Variants in SPON1 observed in about 807,000 individuals in gnomAD.
The protein encoded by SPON1 is spondin 1.
Under a neutral mutation model 111.7 loss-of-function variants are expected in SPON1, and 52 were observed. The observed-to-expected ratio is 0.47, with a 90% CI of 0.37 to 0.59. The LOEUF (loss-of-function observed/expected upper bound fraction) is 0.59. Among genes scored for constraint, SPON1 ranks in the 20% least tolerant of loss-of-function variants. The pLI, the probability that SPON1 is intolerant of heterozygous loss-of-function variation, is 0.00. For synonymous variants in SPON1, 410 were observed against 395.8 expected (o/e 1.04, Z -0.43); for missense variants, 957 against 1,068.5 (o/e 0.90, Z 1.46).
chr11:14,004,362 G>A (rs180822881), intron 2 of SPON1, among the ~76,000 whole-genome samples: 10 of 152,268 alleles, frequency 6.6e-5, no homozygotes, highest in Non-Finnish European at 8.8e-5. Flanking sequence ...CCCAGAAGTC[G>A]GATTGCTGTA....
intron 7 of SPON1, among the ~76,000 whole-genome samples, chr11:14,250,364 C>A (rs2133921951): frequency 7.0e-6 from 1 of 143,872 alleles, no homozygotes; most frequent in South Asian, 2.2e-4. Flanking sequence ...GACTCTGGGT[C>A]TGTTTTTTTT....
intron 5 of SPON1, among the ~76,000 whole-genome samples, chr11:14,100,535 C>T (rs957403709): frequency 6.6e-5 from 10 of 152,148 alleles, no homozygotes; most frequent in African/African-American, 2.4e-4. Flanking sequence ...CTGTTGAATT[C>T]ATAAACAAAA....
intron 6 of SPON1, among the ~76,000 whole-genome samples, chr11:14,182,317 G>A (rs1344762959): frequency 3.9e-5 from 6 of 152,160 alleles, no homozygotes; most frequent in East Asian, 1.9e-4. Flanking sequence ...ATCCCATGGC[G>A]CGCTGTAGAA....
chr11:14,016,861 A>G (rs10832157), intron 2 of SPON1, among the ~76,000 whole-genome samples: 45,117 of 151,916 alleles, frequency 0.3, 7,862 homozygotes, highest in South Asian at 0.5. Flanking sequence ...TCACCTACTA[A>G]GTGCTGGGCA....
At chr11:14,095,643 A>G (rs1849094762) in intron 5 of SPON1, among the ~76,000 whole-genome samples, 2 of 152,176 alleles carry the variant, frequency 1.3e-5, no homozygotes, top group African/African-American at 2.4e-5. Context: ...TCCCTGGTCA[A>G]GCAGGCAGGC....
chr11:14,213,665 G>A (rs1403265635), intron 6 of SPON1, among the ~76,000 whole-genome samples: 1 of 152,190 alleles, frequency 6.6e-6, no homozygotes, highest in Non-Finnish European at 1.5e-5. Flanking sequence ...AGCCTCAAGA[G>A]TCCTTCAGTT....
At chr11:14,177,224 T>C (rs1554933202) in intron 6 of SPON1, among the ~76,000 whole-genome samples, 1 of 152,154 alleles carries the variant, frequency 6.6e-6, no homozygotes, top group East Asian at 1.9e-4. Context: ...GTATTTTTAG[T>C]AGAGACGGGG....
intron 6 of SPON1, among the ~76,000 whole-genome samples, chr11:14,147,546 T>C (rs966914512): frequency 2.6e-5 from 4 of 152,034 alleles, no homozygotes; most frequent in Non-Finnish European, 4.4e-5. Flanking sequence ...GCCTCCCAAG[T>C]AGCTTGGATT....
In SPON1 at chr11:14,262,838, A is replaced by G; in HGVS notation, c.2123A>G (p.Glu708Gly). 1.9e-6 allele frequency: 3 copies of G among 1,613,934 alleles called. No individual in the cohort carries two copies. Among genetic ancestry groups the G allele is most frequent in the Non-Finnish European group, 2.5e-6 (3 of 1,179,882 alleles). ...EPQFGGAPCP[E>G]TVQRKKCRIR... ...CAGTTTGGAGGTGCACCCTGCCCAG[A>G]GACTGTGCAGCGAAAAAAGTGCCGC... Residue 708 changes from glutamate (E) to glycine (G), a missense_variant, in exon 15 of 16, where the codon GAG (glutamate) becomes GGG (glycine). Physicochemically the swap from Glu to Gly is moderately conservative, Grantham distance 98. This residue lies in a region of SPON1 where 549 missense variants were observed against 606.2 expected (regional missense o/e 0.91). Transcript: ENST00000576479.
At chr11:14,001,677 A>G (rs1261930097) in intron 2 of SPON1, among the ~76,000 whole-genome samples, 1 of 152,242 alleles carries the variant, frequency 6.6e-6, no homozygotes, top group African/African-American at 2.4e-5. Context: ...ACAGTGGATT[A>G]CAACAGAGAG....
chr11:14,079,170 T>A (rs1049934772), intron 4 of SPON1, among the ~76,000 whole-genome samples: 2 of 152,184 alleles, frequency 1.3e-5, no homozygotes, highest in African/African-American at 4.8e-5. Flanking sequence ...AAATACTGAA[T>A]TTATTCATGT....
chr11:13,997,289 C>CTA (rs1185593193), intron 2 of SPON1, among the ~76,000 whole-genome samples: 19 of 152,282 alleles, frequency 1.2e-4, no homozygotes, highest in African/African-American at 4.6e-4. Flanking sequence ...CTTAGCTTTG[C>CTA]TATTTAAAAT....
At chr11:14,003,142 G>A (rs1173934029) in intron 2 of SPON1, among the ~76,000 whole-genome samples, 1 of 152,118 alleles carries the variant, frequency 6.6e-6, no homozygotes, top group Admixed American at 6.5e-5. Flanking sequence ...CTGATTCCTA[G>A]AATATTCTCT....
At chr11:14,032,046 G>A (rs1848562923) in intron 2 of SPON1, among the ~76,000 whole-genome samples, 1 of 152,184 alleles carries the variant, frequency 6.6e-6, no homozygotes. Context: ...TCAACGTGCT[G>A]AGGTTTGTTA....
intron 6 of SPON1, among the ~76,000 whole-genome samples, chr11:14,241,379 G>C (rs1848924643): frequency 6.6e-6 from 1 of 152,208 alleles, no homozygotes; most frequent in African/African-American, 2.4e-5. Context: ...AAGGGTTTTG[G>C]CAGGAGACAG....
intron 6 of SPON1, among the ~76,000 whole-genome samples, chr11:14,176,728 A>G (rs1476819048): frequency 6.6e-6 from 1 of 152,114 alleles, no homozygotes; most frequent in Non-Finnish European, 1.5e-5. Context: ...ACCAGTAGAG[A>G]GAGTACCAGA....
intron 1 of SPON1, among the ~76,000 whole-genome samples, chr11:13,965,519 G>C (rs1848009633): frequency 6.6e-6 from 1 of 152,186 alleles, no homozygotes. Context: ...AACTGGGACT[G>C]GATAGGGAGT....
At chr11:14,260,839 T>A in intron 14 of SPON1, 87 bp downstream of exon 14, 1 of 1,405,352 alleles carries the variant, frequency 7.1e-7, no homozygotes, top group East Asian at 2.3e-5. Flanking sequence ...TACTGCTAGA[T>A]CCTAGAATAA....
chr11:14,175,125 C>T (rs1848160103), intron 6 of SPON1, among the ~76,000 whole-genome samples: 1 of 152,170 alleles, frequency 6.6e-6, no homozygotes, highest in Non-Finnish European at 1.5e-5. Flanking sequence ...AACAATTGAA[C>T]CTAGGCCACC....
Sources: allele counts gnomAD v4.1 joint callset (sites outside exome capture counted in the v4.1 genomes callset), GRCh38; gene constraint gnomAD v4.1.1; regional missense constraint gnomAD v4.1.1; transcripts MANE v1.5; gene names NCBI Gene and HGNC (gene_info 2026-07-23, HGNC 2026-07-21).